Variants in USP38 observed in about 807,000 individuals in gnomAD.
USP38 encodes the protein ubiquitin specific peptidase 38, also known as ubiquitin carboxyl-terminal hydrolase 38.
A neutral mutation model predicts 94.3 loss-of-function variants in USP38; 49 were observed. That is an observed-to-expected ratio of 0.52 (90% CI 0.41 to 0.66). USP38 has a LOEUF of 0.66. Among genes scored for constraint, USP38 ranks in the 30% least tolerant of loss-of-function variants. The pLI is 0.00. For missense variants in USP38, 1,128 were observed against 1,229.4 expected, an observed-to-expected ratio of 0.92 and a Z score of 1.23; for synonymous variants, 468 against 463.6, an observed-to-expected ratio of 1.01 and a Z score of -0.12.
intron 2 of USP38, among the ~76,000 whole-genome samples, chr4:143,191,205 C>T (rs1012931937): frequency 1.3e-5 from 2 of 152,266 alleles, no homozygotes; most frequent in South Asian, 4.1e-4. Flanking sequence ...TGTTTATAGT[C>T]ATTTTCTATA....
Position 143,214,720 on chromosome 4 carries a change from T to C in USP38, c.2744T>C (p.Leu915Ser). ...ENKEMSKEWF[L>S]FNDSRVTFTS... ...AAGGAAATGTCAAAAGAATGGTTTT[T>C]ATTTAATGACAGTAGAGTGACATTT... is the stretch of plus-strand genomic sequence containing the variant. Residue 915 changes from leucine to serine, a missense_variant, in exon 9 of 10, where the codon TTA (leucine) becomes TCA (serine). Physicochemically the swap from Leu to Ser is moderately radical, Grantham distance 145. Transcript: ENST00000307017. 1 of 1,613,760 alleles carries C rather than the reference T, an allele frequency of 6.2e-7. No homozygotes were observed. Among genetic ancestry groups the C allele is most frequent in the Non-Finnish European group, 8.5e-7 (1 of 1,179,814 alleles).
Position 143,212,336 on chromosome 4 carries a change from C to A in USP38, c.1516C>A (p.Arg506=), listed in dbSNP as rs745380082. 5 of 1,611,076 alleles carry A rather than the reference C, an allele frequency of 3.1e-6. No homozygotes were observed. The highest frequency in any genetic ancestry group is 4.2e-6 in the Non-Finnish European group (5 of 1,178,478). ...AHTQREAYAP[R]IFFEASRPPW... ...TCAAAAGAGGGAAGCATACGCACCT[C>A]GGATATTCTTTGAGGCTTCCAGACC... Residue 506 remains arginine, a synonymous_variant, in exon 8 of 10, where the codon CGG becomes AGG. Coordinates refer to ENST00000307017, the MANE Select transcript of USP38 (RefSeq NM_032557.6).
chr4:143,214,823 G>C lies in USP38; in HGVS notation c.2847G>C (p.Gln949His). 6.2e-7 allele frequency: 1 copy of C among 1,613,678 alleles called. No individual in the cohort carries two copies. Among genetic ancestry groups the C allele is most frequent in the Admixed American group, 1.7e-5 (1 of 59,940 alleles). ...DTAYVLLYKKQHSTNGLSGNN... is the reference protein window; with the variant it reads ...DTAYVLLYKKHHSTNGLSGNN... ...CTTATGTGCTTTTGTATAAAAAACAGCATAGTACTAATGGTTTAAGTGGTA... is the reference window on the plus strand; with the variant it reads ...CTTATGTGCTTTTGTATAAAAAACACCATAGTACTAATGGTTTAAGTGGTA... Residue 949 changes from glutamine (Q) to histidine (H), a missense_variant, in exon 9 of 10, where the codon CAG becomes CAC. Transcript: ENST00000307017.
intron 6 of USP38, among the ~76,000 whole-genome samples, chr4:143,208,063 C>T (rs1175835208): frequency 6.6e-6 from 1 of 152,006 alleles, no homozygotes; most frequent in African/African-American, 2.4e-5. Context: ...AAAACAAATG[C>T]ATTTTTTAAA....
At chr4:143,194,104 G>A (rs1731475754) in intron 2 of USP38, among the ~76,000 whole-genome samples, 1 of 152,106 alleles carries the variant, frequency 6.6e-6, no homozygotes, top group Non-Finnish European at 1.5e-5. Context: ...GAAAAAAGAT[G>A]TCAGTCCTTT....
rs925404052 is a variant in USP38, at chr4:143,186,965, C to T, written c.682+833C>T. Among the ~76,000 whole-genome samples, 4 of 152,282 alleles carry T rather than the reference C, an allele frequency of 2.6e-5. No individual in the cohort carries two copies. The East Asian group carries it at 7.7e-4, about 29-fold the overall frequency. ...AAATTGAACTTGTGAGGGATGTGTCCTCTTCTTATCTTAAGAACCAGAAGT... is the reference window on the plus strand; with the variant it reads ...AAATTGAACTTGTGAGGGATGTGTCTTCTTCTTATCTTAAGAACCAGAAGT... On this transcript the variant is annotated intron_variant, in intron 1 of 9. Transcript: ENST00000307017.
At chr4:143,220,022 T>G (rs1267635865) in intron 9 of USP38, among the ~76,000 whole-genome samples, 1 of 152,128 alleles carries the variant, frequency 6.6e-6, no homozygotes, top group African/African-American at 2.4e-5. Context: ...ATAGCCCCAA[T>G]TGCTGGAGAA....
intron 2 of USP38, 56 bp downstream of exon 2, chr4:143,188,017 T>A: frequency 6.6e-7 from 1 of 1,517,424 alleles, no homozygotes; most frequent in Non-Finnish European, 8.8e-7. Context: ...GAGGAAGTAT[T>A]TTGTATTTTG....
intron 5 of USP38, among the ~76,000 whole-genome samples, chr4:143,204,738 C>T (rs1230467655): frequency 6.6e-6 from 1 of 152,110 alleles, no homozygotes. Flanking sequence ...ACTTTCCTCT[C>T]AGTAAACTTA....
At position 143,185,915 on chromosome 4, in the gene USP38, G is replaced by A. The variant is rs745733953; in HGVS notation, c.465G>A (p.Val155=). The A allele has an allele frequency of 2.2e-5, 35 of 1,614,196 alleles. No individual in the cohort carries two copies. The highest frequency in any genetic ancestry group is 2.9e-5 in the Non-Finnish European group (34 of 1,180,044). The change falls in exon 1 of 10, where the codon GTG becomes GTA. Residue 155 remains valine (V), a synonymous_variant. Coordinates refer to ENST00000307017, the MANE Select transcript of USP38 (RefSeq NM_032557.6). ...ARLSDLLTDF[V]QCIPKGKLSI... is the part of the protein sequence containing the mutation. ...TGAGCGACCTTCTGACCGACTTTGT[G>A]CAATGCATCCCCAAGGGGAAATTGT...
At chr4:143,186,687 G>T (rs1247453465) in intron 1 of USP38, among the ~76,000 whole-genome samples, 2 of 152,130 alleles carry the variant, frequency 1.3e-5, no homozygotes, top group African/African-American at 2.4e-5. Flanking sequence ...TAGAATGAGG[G>T]AAGGAAGAGT....
At chr4:143,193,321 C>G (rs184250928) in intron 2 of USP38, among the ~76,000 whole-genome samples, 92 of 150,908 alleles carry the variant, frequency 6.1e-4, no homozygotes, top group Admixed American at 1.9e-3. Flanking sequence ...ACTCTATATA[C>G]TGTTGCATAG....
At chr4:143,192,640 TC>T (rs1374244554) in intron 2 of USP38, among the ~76,000 whole-genome samples, 1 of 151,020 alleles carries the variant, frequency 6.6e-6, no homozygotes, top group African/African-American at 2.4e-5. Context: ...TTTCTGTGTG[TC>T]CTCACTTGGC....
At chr4:143,201,177 A>G (rs538426744) in intron 4 of USP38, among the ~76,000 whole-genome samples, 2 of 152,164 alleles carry the variant, frequency 1.3e-5, no homozygotes, top group Non-Finnish European at 2.9e-5. Context: ...CTGGTACAAA[A>G]ACAGGCACAT....
At chr4:143,215,030 G>A in intron 9 of USP38, 87 bp downstream of exon 9, 1 of 1,305,910 alleles carries the variant, frequency 7.7e-7, no homozygotes, top group Non-Finnish European at 1.0e-6. Flanking sequence ...AATCTAACAT[G>A]AGTTTTTATT....
chr4:143,198,337 AAATACATCTAG>A (rs1731613019), intron 4 of USP38, among the ~76,000 whole-genome samples: 1 of 152,158 alleles, frequency 6.6e-6, no homozygotes. Flanking sequence ...CCCACCTTTA[AAATACATCTAG>A]AATCCTACCA....
In USP38 at chr4:143,222,156, A is replaced by G. The variant is rs1321834102; in HGVS notation, c.*1700A>G. ...CTTGATAGATTGATATTGGGCTAAG[A>G]TGCTTCTAGGAACTTTCATAAAAGC... On this transcript the variant is annotated 3_prime_UTR_variant, in exon 10 of 10. Transcript: ENST00000307017. 6.6e-6 allele frequency: 1 copy of G among 152,076 alleles called. No individual in the cohort carries two copies. The highest frequency in any genetic ancestry group is 1.5e-5 in the Non-Finnish European group (1 of 67,962). The allele number at this position is 152,076 out of a possible 1,614,324, so 9.4% of individuals were successfully genotyped here. A position where few individuals can be genotyped will look rare whatever the true frequency, so the allele number is the denominator to read the frequency against.
Position 143,185,349 on chromosome 4 carries a change from G to A in USP38, c.-102G>A. 1 of 1,316,974 alleles carries A rather than the reference G, an allele frequency of 7.6e-7. No individual in the cohort carries two copies. Among genetic ancestry groups the A allele is most frequent in the Non-Finnish European group, 1.0e-6 (1 of 980,618 alleles). 81.6% of individuals were successfully genotyped at this position (1,316,974 alleles called of 1,614,324 possible). A position where few individuals can be genotyped will look rare whatever the true frequency, so the allele number is the denominator to read the frequency against. ...CCGTGGCCCGTCGCGCTGCTGCTGC[G>A]GCGCTCCAAGTTCATCTCCGCCCCG... is the stretch of plus-strand genomic sequence containing the variant. On this transcript the variant is annotated 5_prime_UTR_variant, in exon 1 of 10. Transcript: ENST00000307017.
intron 5 of USP38, among the ~76,000 whole-genome samples, chr4:143,205,676 T>C (rs768443171): frequency 7.2e-5 from 11 of 152,200 alleles, no homozygotes; most frequent in Non-Finnish European, 1.5e-4. Context: ...AATTTAAGTC[T>C]TCATTCTACT....
Sources: allele counts gnomAD v4.1 joint callset (sites outside exome capture counted in the v4.1 genomes callset), GRCh38; gene constraint gnomAD v4.1.1; transcripts MANE v1.5; gene names NCBI Gene and HGNC (gene_info 2026-07-23, HGNC 2026-07-21).